ZMYM2: variants seen among roughly 807,000 people sequenced by gnomAD.
The protein encoded by ZMYM2 is zinc finger MYM-type protein 2.
ZMYM2 carries 56 observed loss-of-function variants against 162.8 expected under a neutral mutation model. The ratio of observed to expected loss-of-function variants is 0.34; its 90% CI spans 0.28 to 0.43. ZMYM2 has a LOEUF of 0.43. ZMYM2 is among the 20% of genes least tolerant of loss of function. The pLI, the probability that ZMYM2 is intolerant of heterozygous loss-of-function variation, is 1.00. For synonymous variants in ZMYM2, 510 were observed against 541.6 expected (o/e 0.94, Z 0.81); for missense variants, 1,275 against 1,621.8 (o/e 0.79, Z 3.67).
At chr13:19,950,218 A>G in the ZMYM2 span, among the ~76,000 whole-genome samples, 5 of 152,214 alleles carry the variant, frequency 3.3e-5, no homozygotes, top group African/African-American at 1.2e-4. Flanking sequence ...AAAAATTAAA[A>G]AAAAGTAAAA....
chr13:20,079,282 CAT>C (rs1205519235), intron 21 of ZMYM2, among the ~76,000 whole-genome samples: 3 of 117,846 alleles, frequency 2.5e-5, no homozygotes, highest in African/African-American at 1.0e-4. Flanking sequence ...TGCGCCACTG[CAT>C]TCCAGCCTGG....
chr13:20,062,263 T>C (rs1027002636), intron 17 of ZMYM2, among the ~76,000 whole-genome samples: 2 of 152,204 alleles, frequency 1.3e-5, no homozygotes, highest in Non-Finnish European at 2.9e-5. Context: ...AATGACAGTG[T>C]GAATCCCTCA....
chr13:19,884,832 T>C, the ZMYM2 span, among the ~76,000 whole-genome samples: 3 of 152,016 alleles, frequency 2.0e-5, no homozygotes, highest in South Asian at 2.1e-4. Context: ...ATTCCAGCAG[T>C]AAAAGAAAAC....
At chr13:19,899,299 A>G in the ZMYM2 span, among the ~76,000 whole-genome samples, 1 of 152,090 alleles carries the variant, frequency 6.6e-6, no homozygotes, top group Non-Finnish European at 1.5e-5. Context: ...ATAAATAGAT[A>G]AACAATTTTG....
chr13:19,976,336 A>G (rs117168974), intron 2 of ZMYM2, among the ~76,000 whole-genome samples: 12,400 of 150,220 alleles, frequency 0.083, 757 homozygotes, highest in African/African-American at 0.16. Flanking sequence ...CAAAAAAAAA[A>G]AAAGAAAGAA....
intron 6 of ZMYM2, among the ~76,000 whole-genome samples, chr13:20,016,489 A>G (rs562121901): frequency 1.3e-5 from 2 of 152,298 alleles, no homozygotes; most frequent in African/African-American, 4.8e-5. Flanking sequence ...TTCCATTTCA[A>G]TAAAAAGCTT....
chr13:19,867,836 G>T, the ZMYM2 span, among the ~76,000 whole-genome samples: 2 of 152,200 alleles, frequency 1.3e-5, no homozygotes, highest in Non-Finnish European at 2.9e-5. Context: ...ATGTTGGCCA[G>T]GCTGGTCTCG....
chr13:20,082,448 G>C (rs1162706365), intron 22 of ZMYM2, among the ~76,000 whole-genome samples: 1 of 152,118 alleles, frequency 6.6e-6, no homozygotes, highest in Non-Finnish European at 1.5e-5. Flanking sequence ...TGAAGAAAAT[G>C]TGTATGTATG....
the ZMYM2 span, among the ~76,000 whole-genome samples, chr13:19,908,273 G>A: frequency 6.6e-6 from 1 of 152,118 alleles, no homozygotes; most frequent in East Asian, 1.9e-4. Flanking sequence ...GGGTGACAAA[G>A]TGAGATTCTG....
chr13:20,041,738 G>A (rs1594531700), intron 12 of ZMYM2, among the ~76,000 whole-genome samples: 1 of 152,050 alleles, frequency 6.6e-6, no homozygotes, highest in Non-Finnish European at 1.5e-5. Flanking sequence ...AGCAGGTCTG[G>A]TGGTAACAAA....
chr13:20,058,449 C>G, intron 14 of ZMYM2, 126 bp from the exon 15 acceptor site: 1 of 1,108,976 alleles, frequency 9.0e-7, no homozygotes, highest in Non-Finnish European at 1.3e-6. Flanking sequence ...GGGATAATAG[C>G]ATAATTTGGT....
chr13:20,019,091 A>AC (rs1951855912), intron 6 of ZMYM2, among the ~76,000 whole-genome samples: 1 of 12,196 alleles, frequency 8.2e-5, no homozygotes, highest in African/African-American at 1.1e-4. Flanking sequence ...AAAAAAAAAA[A>AC]AACAACAACA....
chr13:19,934,766 TC>T, the ZMYM2 span, among the ~76,000 whole-genome samples: 210 of 21,118 alleles, frequency 9.9e-3, 1 homozygote, highest in Middle Eastern at 0.25. Context: ...TTTCTTTCTT[TC>T]TTTCTTTTTT....
intron 6 of ZMYM2, among the ~76,000 whole-genome samples, chr13:20,019,057 G>A (rs1410116165): frequency 7.0e-6 from 1 of 143,792 alleles, no homozygotes; most frequent in Admixed American, 7.0e-5. Context: ...TTCAGCGTGG[G>A]TGACAAAGCA....
chr13:20,079,345 G>GAAAAAAAAAT (rs1957754259), intron 21 of ZMYM2, among the ~76,000 whole-genome samples: 1 of 19,160 alleles, frequency 5.2e-5, no homozygotes, highest in Non-Finnish European at 1.2e-4. Context: ...AAAAAAAAAG[G>GAAAAAAAAAT]ATACTTAATG....
rs1299798559 is a variant in ZMYM2, at chr13:20,027,190, T to A, written c.1736-13T>A. ...TTTATAAACAAATCAGATATGTACC[T>A]TTTCTTTCCTAGGTTTGGGAATTAT... On this transcript the variant is annotated splice_polypyrimidine_tract_variant and intron_variant, in intron 8 of 24. Coordinates refer to ENST00000610343, the MANE Select transcript of ZMYM2 (RefSeq NM_197968.4). The A allele has an allele frequency of 1.3e-6, 2 of 1,543,164 alleles. No homozygotes were observed. Among genetic ancestry groups the A allele is most frequent in the Non-Finnish European group, 1.8e-6 (2 of 1,141,706 alleles).
In ZMYM2 at chr13:20,003,042, G is replaced by A; in HGVS notation, c.1040G>A (p.Arg347Gln). ...CAGAAGGGCCAGACAGCTTATCAAC[G>A]AAAAGGATCAGCTCACCTCTTTTGT... ...PLQKGQTAYQ[R>Q]KGSAHLFCST... The change falls in exon 4 of 25, where the codon CGA (arginine) becomes CAA (glutamine). Residue 347 changes from arginine (R) to glutamine (Q), a missense_variant. This residue lies in a region of ZMYM2 where 115 missense variants were observed against 175.3 expected (regional missense o/e 0.66). Coordinates refer to ENST00000610343, the MANE Select transcript of ZMYM2 (RefSeq NM_197968.4). 1 of 1,614,134 alleles carries A rather than the reference G, an allele frequency of 6.2e-7. No homozygotes were observed. The highest frequency in any genetic ancestry group is 8.5e-7 in the Non-Finnish European group (1 of 1,180,014).
At chr13:20,050,900 T>C (rs1443746654) in intron 12 of ZMYM2, among the ~76,000 whole-genome samples, 1 of 151,882 alleles carries the variant, frequency 6.6e-6, no homozygotes, top group African/African-American at 2.4e-5. Context: ...AACATAAAGT[T>C]GTTATTAAAA....
chr13:20,086,090 A>AT lies in ZMYM2; in HGVS notation c.*79dup. On this transcript the variant is annotated 3_prime_UTR_variant, in exon 25 of 25. Transcript: ENST00000610343. ...CTGCTAGATCTTTATTATGGAAAAC[A>AT]TTTCAAGTTTACTCCTTCTGTTTTG... 1.4e-6 allele frequency: 2 copies of AT among 1,453,674 alleles called. No individual in the cohort carries two copies. Among genetic ancestry groups the AT allele is most frequent in the Non-Finnish European group, 1.9e-6 (2 of 1,075,434 alleles). 90.0% of individuals were successfully genotyped at this position (1,453,674 alleles called of 1,614,324 possible). A position where few individuals can be genotyped will look rare whatever the true frequency, so the allele number is the denominator to read the frequency against.
Sources: allele counts gnomAD v4.1 joint callset (sites outside exome capture counted in the v4.1 genomes callset), GRCh38; gene constraint gnomAD v4.1.1; regional missense constraint gnomAD v4.1.1; transcripts MANE v1.5; gene names NCBI Gene and HGNC (gene_info 2026-07-23, HGNC 2026-07-21).